DLC1: variants seen among roughly 807,000 people sequenced by gnomAD.
DLC1 encodes the protein DLC1 Rho GTPase activating protein.
In DLC1, 54 loss-of-function variants were observed where a neutral mutation model predicts 140.3. The ratio of observed to expected loss-of-function variants is 0.38; its 90% CI spans 0.31 to 0.48. DLC1 has a LOEUF of 0.48. Among genes scored for constraint, DLC1 ranks in the 20% least tolerant of loss-of-function variants. DLC1 has a pLI of 0.96. For synonymous variants in DLC1, 986 were observed against 728.1 expected (o/e 1.35, Z -5.70); for missense variants, 2,536 against 1,907.0 (o/e 1.33, Z -6.14).
In DLC1 at chr8:13,499,278, CTGTT is replaced by C. The variant is rs761189123; in HGVS notation, c.790_793del (p.Asn264GlufsTer6). The C allele has an allele frequency of 1.2e-6, 2 of 1,614,126 alleles. No homozygotes were observed. Among genetic ancestry groups the C allele is most frequent in the East Asian group, 2.2e-5 (1 of 44,876 alleles). ...ATCTGTTTTTAATAATGGCAGTCCTCTGTTTGTGCAAGGAGTATCCAAGAACTCA... is the reference window on the plus strand; with the variant it reads ...ATCTGTTTTTAATAATGGCAGTCCTCTGTGCAAGGAGTATCCAAGAACTCA... On this transcript the variant is annotated frameshift_variant, in exon 2 of 18. Transcript: ENST00000276297. LOFTEE classifies it high-confidence loss of function.
At chr8:13,516,167 T>G (rs563398913), upstream of DLC1, among the ~76,000 whole-genome samples, 22 of 151,026 alleles carry the variant, frequency 1.5e-4, no homozygotes, top group Non-Finnish European at 2.4e-4. Context: ...AGCATTTTTT[T>G]GGGGGGGGAC....
In DLC1 at chr8:13,092,636, A is replaced by C; in HGVS notation, c.3716T>G (p.Leu1239Arg). The C allele has an allele frequency of 6.2e-7, 1 of 1,614,124 alleles. No homozygotes were observed. Among genetic ancestry groups the C allele is most frequent in the Non-Finnish European group, 8.5e-7 (1 of 1,180,010 alleles). Residue 1239 changes from leucine to arginine, a missense_variant, in exon 13 of 18, where the codon CTG becomes CGG. Coordinates refer to ENST00000276297, the MANE Select transcript of DLC1 (RefSeq NM_182643.3). ...CCTGGGAGAGGAATTCTCTCTCTTC[A>C]GGGTGTTGAGATGGAAGAGGGAAGG... ...LAPSLFHLNT[L>R]KRENSSPRVM...
At chr8:13,092,490 A>G (rs1818155271) in intron 13 of DLC1, 122 bp downstream of exon 13, 3 of 1,051,396 alleles carry the variant, frequency 2.9e-6, no homozygotes, top group Non-Finnish European at 2.8e-6. Context: ...GAATGGACTA[A>G]TATAGCGGTC....
chr8:13,200,876 G>T (rs898036011), intron 5 of DLC1, among the ~76,000 whole-genome samples: 1 of 152,168 alleles, frequency 6.6e-6, no homozygotes, highest in Non-Finnish European at 1.5e-5. Flanking sequence ...GGGGATACAA[G>T]CATGACCCAC....
intron 2 of DLC1, among the ~76,000 whole-genome samples, chr8:13,429,083 A>C (rs1028169192): frequency 6.6e-6 from 1 of 152,200 alleles, no homozygotes; most frequent in Non-Finnish European, 1.5e-5. Flanking sequence ...GATGAACAAA[A>C]CATGACCTAG....
chr8:13,566,752 A>C, intron 1 of DLC1: 1 of 513,620 alleles, frequency 1.9e-6, no homozygotes, highest in Non-Finnish European at 3.3e-6. Context: ...CGGCGCAAGC[A>C]GCGCAAGCGC....
chr8:13,304,910 A>G, intron 5 of DLC1: 1 of 997,920 alleles, frequency 1.0e-6, no homozygotes, highest in Non-Finnish European at 1.2e-6. Flanking sequence ...GTGGCTACTA[A>G]GTCATTAAGA....
In DLC1 at chr8:13,242,393, G is replaced by GT. The variant is rs201680944; in HGVS notation, c.1348+62875dup. ...GAAAAAAGAAAATATCTCCCCATCA[G>GT]TTTTTTTTTTTTTCTCCTTGGAGAC... On this transcript the variant is annotated intron_variant, in intron 5 of 17. Transcript: ENST00000276297. Among the ~76,000 whole-genome samples the GT allele has an allele frequency of 6.1e-3, 886 of 145,838 alleles. 4 individuals carry two copies. The highest frequency in any genetic ancestry group is 0.014 in the Middle Eastern group (4 of 290).
chr8:13,476,109 A>G (rs971582896), intron 2 of DLC1, among the ~76,000 whole-genome samples: 1 of 152,222 alleles, frequency 6.6e-6, no homozygotes, highest in African/African-American at 2.4e-5. Flanking sequence ...CATCCGGTTG[A>G]AAGCAAAAAG....
chr8:13,531,472 G>C (rs1213741903), intron 1 of DLC1, among the ~76,000 whole-genome samples: 1 of 152,108 alleles, frequency 6.6e-6, no homozygotes, highest in African/African-American at 2.4e-5. Flanking sequence ...TATAATCCCA[G>C]TTACTCAGGT....
chr8:13,362,863 A>G (rs897173775), intron 4 of DLC1, among the ~76,000 whole-genome samples: 3 of 152,006 alleles, frequency 2.0e-5, no homozygotes, highest in East Asian at 1.9e-4. Flanking sequence ...TTCCAACCAC[A>G]TGGCTGGCTT....
At chr8:13,524,876 C>A (rs530280170) in intron 1 of DLC1, among the ~76,000 whole-genome samples, 2 of 152,140 alleles carry the variant, frequency 1.3e-5, no homozygotes, top group African/African-American at 4.8e-5. Flanking sequence ...TTAAAGTGAA[C>A]AATTTGATTG....
chr8:13,276,485 T>C (rs1042410472), intron 5 of DLC1: 11 of 1,330,684 alleles, frequency 8.3e-6, no homozygotes, highest in Admixed American at 4.0e-5. Context: ...GGCCGCAGGC[T>C]GTCGCCTGCC....
At chr8:13,198,837 C>T (rs28701855) in intron 5 of DLC1, among the ~76,000 whole-genome samples, 67,365 of 151,382 alleles carry the variant, frequency 0.45, 15,677 homozygotes, top group East Asian at 0.84. Context: ...CTGCCTCAGC[C>T]TCCCAAGTAG....
chr8:13,596,829 A>G (rs113630073), intron 1 of DLC1, among the ~76,000 whole-genome samples: 10 of 152,164 alleles, frequency 6.6e-5, no homozygotes, highest in Admixed American at 1.3e-4. Context: ...AACACTTGTC[A>G]TAGTCAATGT....
chr8:13,246,623 A>G (rs966556533), intron 5 of DLC1, among the ~76,000 whole-genome samples: 3 of 152,168 alleles, frequency 2.0e-5, no homozygotes, highest in Non-Finnish European at 4.4e-5. Context: ...CAGGTTCATA[A>G]TAAAGATACC....
chr8:13,352,543 G>C (rs926996563), intron 4 of DLC1, among the ~76,000 whole-genome samples: 3 of 151,726 alleles, frequency 2.0e-5, no homozygotes, highest in African/African-American at 7.3e-5. Flanking sequence ...CACCATGCCT[G>C]ACTCATTTTT....
chr8:13,356,532 A>T (rs1322635004), intron 4 of DLC1, among the ~76,000 whole-genome samples: 1 of 152,322 alleles, frequency 6.6e-6, no homozygotes, highest in East Asian at 1.9e-4. Context: ...CCACACCCAC[A>T]AAGAGAATTG....
intron 5 of DLC1, among the ~76,000 whole-genome samples, chr8:13,203,868 T>C (rs1563162298): frequency 6.6e-6 from 1 of 152,190 alleles, no homozygotes; most frequent in African/African-American, 2.4e-5. Flanking sequence ...TAATTTTAGA[T>C]CTATTCTCTT....
Sources: gnomAD v4.1 joint callset for allele counts (sites outside exome capture counted in the v4.1 genomes callset) on GRCh38, gnomAD v4.1.1 for gene constraint, MANE v1.5 for transcripts, NCBI Gene and HGNC (gene_info 2026-07-23, HGNC 2026-07-21) for gene names.